TTC12: variants seen among roughly 807,000 people sequenced by gnomAD.
The protein encoded by TTC12 is tetratricopeptide repeat domain 12.
TTC12 carries 70 observed loss-of-function variants against 90.1 expected under a neutral mutation model. The ratio of observed to expected loss-of-function variants is 0.78; its 90% CI spans 0.64 to 0.95. TTC12 has a LOEUF of 0.95. Ranked by LOEUF, TTC12 falls within the 40% of genes least tolerant of loss-of-function variation. The probability of loss-of-function intolerance (pLI) is 0.00; values close to 1 mark genes in which losing one functional copy is unlikely to be tolerated. For synonymous variants in TTC12, 296 were observed against 311.5 expected (o/e 0.95, Z 0.53); for missense variants, 819 against 846.1 (o/e 0.97, Z 0.40).
At chr11:113,370,923 T>A (rs1950365355), downstream of TTC12, among the ~76,000 whole-genome samples, 1 of 152,162 alleles carries the variant, frequency 6.6e-6, no homozygotes. Context: ...GATGCTCATT[T>A]AGATCCCTCA....
chr11:113,328,579 G>C (rs1947836734), intron 6 of TTC12, among the ~76,000 whole-genome samples: 1 of 151,948 alleles, frequency 6.6e-6, no homozygotes, highest in Non-Finnish European at 1.5e-5. Context: ...GCTGTGCTCG[G>C]GAGGACAGAA....
chr11:113,370,225 GATAC>G (rs766109871), downstream of TTC12, among the ~76,000 whole-genome samples: 25 of 152,380 alleles, frequency 1.6e-4, no homozygotes, highest in Admixed American at 5.2e-4. Flanking sequence ...TTTGCAAACA[GATAC>G]TCCTCTGTTA....
chr11:113,351,047 C>T (rs1949259414), intron 14 of TTC12, among the ~76,000 whole-genome samples, 192 bp from the exon 15 acceptor site: 1 of 152,218 alleles, frequency 6.6e-6, no homozygotes, highest in Admixed American at 6.5e-5. Flanking sequence ...AGGCAATTCT[C>T]CAGACTCAGA....
chr11:113,371,450 A>G (rs1349636964), intron 21 of TTC12: 7 of 152,052 alleles, frequency 4.6e-5, no homozygotes, highest in African/African-American at 9.7e-5. Flanking sequence ...TGAATCTGCA[A>G]ATTTGGAACC....
intron 18 of TTC12, among the ~76,000 whole-genome samples, chr11:113,362,149 T>C (rs1236557061): frequency 6.6e-6 from 1 of 152,194 alleles, no homozygotes; most frequent in Non-Finnish European, 1.5e-5. Context: ...ACTTCCTTTC[T>C]CAGAGTGGAA....
At chr11:113,330,647 C>T (rs74409765) in intron 7 of TTC12, among the ~76,000 whole-genome samples, 3,291 of 152,202 alleles carry the variant, frequency 0.022, 114 homozygotes, top group African/African-American at 0.072. Context: ...TACTCTGTCA[C>T]GGGGGTTTTA....
rs45589531 is a variant in TTC12, at chr11:113,346,171, C to A, written c.1154+1731C>A. On this transcript the variant is annotated intron_variant, in intron 13 of 21. Transcript: ENST00000529221. ...GCATGAATGTGTGCTGGCCAAGGGCCAGTGTCATTTTGTAAAAAGTGCTGG... is the reference window on the plus strand; with the variant it reads ...GCATGAATGTGTGCTGGCCAAGGGCAAGTGTCATTTTGTAAAAAGTGCTGG... Among the ~76,000 whole-genome samples the A allele has an allele frequency of 6.4e-3, 981 of 152,266 alleles. 9 individuals are homozygous for A. Among genetic ancestry groups the A allele is most frequent in the South Asian group, 0.046 (220 of 4,824 alleles).
At chr11:113,319,235 T>G (rs771649147) in intron 2 of TTC12, among the ~76,000 whole-genome samples, 11 of 152,050 alleles carry the variant, frequency 7.2e-5, no homozygotes, top group Non-Finnish European at 1.3e-4. Flanking sequence ...AAACCCAAAT[T>G]GCAAGGTATT....
intron 2 of TTC12, among the ~76,000 whole-genome samples, chr11:113,320,736 G>A (rs369914956): frequency 5.9e-5 from 9 of 152,354 alleles, no homozygotes; most frequent in African/African-American, 9.6e-5. Context: ...AAAAGGACAC[G>A]CTGTAACACG....
intron 14 of TTC12, among the ~76,000 whole-genome samples, chr11:113,350,659 TAGTA>T (rs1480533959): frequency 6.6e-6 from 1 of 152,258 alleles, no homozygotes; most frequent in African/African-American, 2.4e-5. Flanking sequence ...CTGGGGATGA[TAGTA>T]AGGGTCTTAG....
At chr11:113,315,123 G>A (rs1438944937) in intron 1 of TTC12, 2 of 147,696 alleles carry the variant, frequency 1.4e-5, no homozygotes, top group African/African-American at 5.1e-5. Flanking sequence ...TGTTCCGTGG[G>A]AGTTGAAAAG....
At chr11:113,367,070 A>G (rs1230038275), downstream of TTC12, among the ~76,000 whole-genome samples, 1 of 152,208 alleles carries the variant, frequency 6.6e-6, no homozygotes, top group African/African-American at 2.4e-5. Flanking sequence ...CCCAGAGGCA[A>G]CGCTCCCTTC....
At chr11:113,366,479 G>T (rs1950220683), downstream of TTC12, 1 of 1,123,424 alleles carries the variant, frequency 8.9e-7, no homozygotes, top group Non-Finnish European at 1.2e-6. Context: ...GCTGTGGTGG[G>T]CTCTGTGCAC....
intron 2 of TTC12, among the ~76,000 whole-genome samples, chr11:113,317,298 C>G (rs1231133949): frequency 6.6e-6 from 1 of 152,098 alleles, no homozygotes; most frequent in Admixed American, 6.5e-5. Flanking sequence ...TCATCTCTTT[C>G]CCTCCCCTTT....
chr11:113,370,520 T>C (rs1950353852), downstream of TTC12, among the ~76,000 whole-genome samples: 1 of 152,232 alleles, frequency 6.6e-6, no homozygotes, highest in Admixed American at 6.5e-5. Context: ...TATTTCCTTT[T>C]AATAAGACTC....
At chr11:113,316,450 G>C (rs1181258758) in intron 2 of TTC12, 135 bp downstream of exon 2, 1 of 428,230 alleles carries the variant, frequency 2.3e-6, no homozygotes, top group Non-Finnish European at 4.2e-6. Context: ...AAAGAGAAGG[G>C]TATTGAGAAA....
chr11:113,336,848 T>C (rs1289474638), intron 8 of TTC12, among the ~76,000 whole-genome samples: 2 of 152,320 alleles, frequency 1.3e-5, no homozygotes, highest in African/African-American at 4.8e-5. Flanking sequence ...CAAATTTCTA[T>C]ATGAACTTCA....
chr11:113,363,699 C>T (rs569932116), intron 19 of TTC12, 129 bp from the exon 20 acceptor site: 32 of 642,962 alleles, frequency 5.0e-5, no homozygotes, highest in South Asian at 1.4e-4. Context: ...AAGCACATGC[C>T]GTTCTCAGTA....
At chr11:113,365,441 C>G in intron 21 of TTC12, 1 of 229,312 alleles carries the variant, frequency 4.4e-6, no homozygotes, top group Non-Finnish European at 8.9e-6. Flanking sequence ...CTCCACTTTT[C>G]CAGAAACAGA....
Sources: gnomAD v4.1 joint callset for allele counts (sites outside exome capture counted in the v4.1 genomes callset) on GRCh38, gnomAD v4.1.1 for gene constraint, MANE v1.5 for transcripts, NCBI Gene and HGNC (gene_info 2026-07-23, HGNC 2026-07-21) for gene names.